GALNT13: variants seen among roughly 807,000 people sequenced by gnomAD.
GALNT13 encodes polypeptide N-acetylgalactosaminyltransferase 13.
GALNT13 carries 28 observed loss-of-function variants against 64.2 expected under a neutral mutation model. The ratio of observed to expected loss-of-function variants is 0.44; its 90% CI spans 0.32 to 0.60. The LOEUF (loss-of-function observed/expected upper bound fraction) is 0.60, where lower values mean the gene tolerates loss of function less well. GALNT13 is among the 20% of genes least tolerant of loss of function. GALNT13 has a pLI of 0.05. For synonymous variants in GALNT13, 214 were observed against 224.6 expected (o/e 0.95, Z 0.42); for missense variants, 577 against 669.8 (o/e 0.86, Z 1.53).
chr2:153,454,789 T>A, the GALNT13 span, among the ~76,000 whole-genome samples: 1 of 152,380 alleles, frequency 6.6e-6, no homozygotes, highest in Non-Finnish European at 1.5e-5. Context: ...TGTATGTGTG[T>A]GTATGTGCAG....
the GALNT13 span, among the ~76,000 whole-genome samples, chr2:153,834,691 C>T: frequency 1.3e-5 from 2 of 152,010 alleles, no homozygotes. Context: ...ACTATTGAGT[C>T]ACCATTTACA....
the GALNT13 span, among the ~76,000 whole-genome samples, chr2:153,139,022 G>T: frequency 1.3e-5 from 2 of 152,022 alleles, no homozygotes; most frequent in African/African-American, 4.8e-5. Context: ...ATTCATAAAT[G>T]CTTTATTCCA....
chr2:153,529,963 G>C, the GALNT13 span, among the ~76,000 whole-genome samples: 1,136 of 152,002 alleles, frequency 7.5e-3, 11 homozygotes, highest in African/African-American at 0.026. Context: ...AAACAAAAAG[G>C]CTTTACTCTA....
intron 11 of GALNT13, among the ~76,000 whole-genome samples, chr2:154,417,041 G>A (rs905602231): frequency 6.6e-6 from 1 of 151,686 alleles, no homozygotes; most frequent in African/African-American, 2.4e-5. Context: ...CTACAAACTG[G>A]ACCTAAGCCC....
chr2:154,422,753 C>T (rs1449807977), intron 11 of GALNT13, among the ~76,000 whole-genome samples: 1 of 152,090 alleles, frequency 6.6e-6, no homozygotes, highest in Non-Finnish European at 1.5e-5. Context: ...GTCTTGATAG[C>T]TCACCATAGC....
At chr2:153,318,210 A>G in the GALNT13 span, among the ~76,000 whole-genome samples, 2 of 151,758 alleles carry the variant, frequency 1.3e-5, no homozygotes, top group African/African-American at 4.8e-5. Context: ...CTTCTGATAC[A>G]AGGAATCACT....
At chr2:153,630,857 A>C in the GALNT13 span, among the ~76,000 whole-genome samples, 4 of 115,696 alleles carry the variant, frequency 3.5e-5, no homozygotes, top group East Asian at 1.1e-3. Flanking sequence ...ACATGTGCAC[A>C]ACGTGCAGTT....
intron 3 of GALNT13, among the ~76,000 whole-genome samples, chr2:154,093,796 A>G (rs1447657349): frequency 6.6e-6 from 1 of 151,610 alleles, no homozygotes; most frequent in African/African-American, 2.4e-5. Flanking sequence ...CATATAATCC[A>G]GTGTACAACT....
the GALNT13 span, among the ~76,000 whole-genome samples, chr2:153,422,761 G>A: frequency 2.0e-5 from 3 of 151,434 alleles, no homozygotes; most frequent in Admixed American, 2.0e-4. Flanking sequence ...ATAGATTCAA[G>A]AATAAATAAA....
chr2:153,737,029 A>G, the GALNT13 span, among the ~76,000 whole-genome samples: 4 of 152,056 alleles, frequency 2.6e-5, no homozygotes, highest in Admixed American at 6.6e-5. Context: ...CCAATATTCT[A>G]TGTTGTTCTA....
chr2:154,281,270 C>G (rs959291125), intron 8 of GALNT13, among the ~76,000 whole-genome samples: 4 of 152,112 alleles, frequency 2.6e-5, no homozygotes, highest in African/African-American at 9.7e-5. Flanking sequence ...GACAGATGGC[C>G]TTACATTTTT....
chr2:153,103,797 G>C, the GALNT13 span, among the ~76,000 whole-genome samples: 2 of 152,202 alleles, frequency 1.3e-5, no homozygotes, highest in Admixed American at 1.3e-4. Flanking sequence ...CCTAGATTGT[G>C]TTTGGGAGGT....
the GALNT13 span, among the ~76,000 whole-genome samples, chr2:153,296,882 A>G: frequency 6.6e-6 from 1 of 152,196 alleles, no homozygotes; most frequent in African/African-American, 2.4e-5. Flanking sequence ...AGCTCCCTAA[A>G]TCACAGGAGA....
At chr2:153,408,658 GTTTTTGTTTTTT>G in the GALNT13 span, among the ~76,000 whole-genome samples, 19 of 149,026 alleles carry the variant, frequency 1.3e-4, no homozygotes, top group African/African-American at 2.0e-4. Flanking sequence ...TTTTGTTTTT[GTTTTTGTTTTTT>G]TTTTGCTAAG....
chr2:153,925,869 G>A (rs915238347), intron 2 of GALNT13, among the ~76,000 whole-genome samples: 1 of 152,018 alleles, frequency 6.6e-6, no homozygotes. Context: ...TGTTGTTGGT[G>A]TATAGGAATG....
At chr2:153,950,584 A>C (rs900669369) in intron 3 of GALNT13, among the ~76,000 whole-genome samples, 7 of 152,076 alleles carry the variant, frequency 4.6e-5, no homozygotes, top group Non-Finnish European at 8.8e-5. Flanking sequence ...TACCCAAGAA[A>C]ATTTTTCACA....
intron 4 of GALNT13, among the ~76,000 whole-genome samples, chr2:154,241,776 T>C (rs541487448): frequency 6.6e-6 from 1 of 152,320 alleles, no homozygotes; most frequent in Admixed American, 6.5e-5. Context: ...TTTCTTAGAC[T>C]TGTAGAAATC....
At chr2:153,140,580 C>G in the GALNT13 span, among the ~76,000 whole-genome samples, 1 of 152,022 alleles carries the variant, frequency 6.6e-6, no homozygotes, top group African/African-American at 2.4e-5. Flanking sequence ...ACCCCAGAAT[C>G]TATGTCTGTT....
At chr2:154,178,199 C>A (rs867017538) in intron 4 of GALNT13, among the ~76,000 whole-genome samples, 1 of 152,100 alleles carries the variant, frequency 6.6e-6, no homozygotes, top group African/African-American at 2.4e-5. Flanking sequence ...GGAGGTCACA[C>A]AAGTACACTG....
Sources: gnomAD v4.1 joint callset for allele counts (sites outside exome capture counted in the v4.1 genomes callset) on GRCh38, gnomAD v4.1.1 for gene constraint, MANE v1.5 for transcripts, NCBI Gene and HGNC (gene_info 2026-07-23, HGNC 2026-07-21) for gene names.